Variants in NR6A1 observed in about 807,000 individuals in gnomAD.
NR6A1 encodes nuclear receptor subfamily 6 group A member 1, also known as retinoic acid receptor-related testis-associated receptor.
Under a neutral mutation model 59.1 loss-of-function variants are expected in NR6A1, and 7 were observed. The observed-to-expected ratio is 0.12, with a 90% CI of 0.07 to 0.22. The LOEUF is 0.22. Among genes scored for constraint, NR6A1 ranks in the 10% least tolerant of loss-of-function variants. The pLI is 1.00. For missense variants in NR6A1, 468 were observed against 611.6 expected (o/e 0.77, Z 2.48); for synonymous variants, 243 against 236.1 (o/e 1.03, Z -0.27).
At chr9:124,618,248 G>A (rs1835957839) in intron 2 of NR6A1, among the ~76,000 whole-genome samples, 1 of 152,176 alleles carries the variant, frequency 6.6e-6, no homozygotes, top group African/African-American at 2.4e-5. Flanking sequence ...TTGGGAGGCT[G>A]AGGTAGGCGG....
In NR6A1 at chr9:124,518,401, A is replaced by C. The variant is rs17225164; in HGVS notation, c.*4304T>G. 4,966 of 151,852 alleles carry C rather than the reference A, an allele frequency of 0.033. 181 individuals carry two copies. The highest frequency in any genetic ancestry group is 0.039 in the Non-Finnish European group (2,678 of 67,958). The allele number at this position is 151,852 out of a possible 1,614,324, so 9.4% of individuals were successfully genotyped here. On this transcript the variant is annotated 3_prime_UTR_variant, in exon 10 of 10. Coordinates refer to ENST00000487099, the MANE Select transcript of NR6A1 (RefSeq NM_033334.4). ...TCTCTGGAGTTCCCGCCTTGGAGGA[A>C]ACAGTTCAGGTATGGCTCCCAAGCC...
chr9:124,650,584 G>A (rs1325113049), intron 2 of NR6A1, among the ~76,000 whole-genome samples: 1 of 152,214 alleles, frequency 6.6e-6, no homozygotes, highest in Admixed American at 6.5e-5. Context: ...ATGGATAGAA[G>A]AGAGTATTTG....
At position 124,771,078 on chromosome 9, in the gene NR6A1, G is replaced by A; in HGVS notation, c.42C>T (p.Gly14=). The A allele has an allele frequency of 8.1e-7, 1 of 1,230,276 alleles. No individual in the cohort carries two copies. Among genetic ancestry groups the A allele is most frequent in the Non-Finnish European group, 1.0e-6 (1 of 986,878 alleles). The allele number at this position is 1,230,276 out of a possible 1,614,324, so 76.2% of individuals were successfully genotyped here. ...DEPPPSGGGG[G]GGSAGFLEPP... is the part of the protein sequence containing the mutation. Reference sequence around the variant, plus strand: ...GCTCCAGGAACCCCGCCGAGCCCCCGCCGCCTCCCCCTCCGCTAGGCGGCG... The same window carrying A: ...GCTCCAGGAACCCCGCCGAGCCCCCACCGCCTCCCCCTCCGCTAGGCGGCG... The change falls in exon 1 of 10, where the codon GGC becomes GGT. Residue 14 remains glycine, a synonymous_variant. Transcript: ENST00000487099.
rs1298744106 is a variant in NR6A1 at position 124,518,680 on chromosome 9, C to G, written c.*4025G>C. The G allele has an allele frequency of 6.6e-6, 1 of 151,368 alleles. No individual in the cohort carries two copies. The highest frequency in any genetic ancestry group is 6.6e-5 in the Admixed American group (1 of 15,208). 9.4% of individuals were successfully genotyped at this position (151,368 alleles called of 1,614,324 possible). ...AAAGGCAGAGGGGAGTGCAAGGGAA[C>G]TCTCATGGGCTGGGGTAGGGGGAGG... On this transcript the variant is annotated 3_prime_UTR_variant, in exon 10 of 10. Coordinates refer to ENST00000487099, the MANE Select transcript of NR6A1 (RefSeq NM_033334.4).
chr9:124,538,418 G>A, intron 5 of NR6A1, 99 bp from the exon 6 acceptor site: 1 of 842,164 alleles, frequency 1.2e-6, no homozygotes, highest in Non-Finnish European at 1.9e-6. Flanking sequence ...CTTTGAACAT[G>A]AGGTATGTGT....
chr9:124,668,445 G>A (rs1487846451), intron 2 of NR6A1, among the ~76,000 whole-genome samples: 4 of 151,968 alleles, frequency 2.6e-5, no homozygotes, highest in Non-Finnish European at 5.9e-5. Context: ...GTTGTTCAAG[G>A]GTCAACTGTA....
intron 7 of NR6A1, among the ~76,000 whole-genome samples, chr9:124,531,322 C>T (rs189408371): frequency 1.3e-4 from 20 of 152,302 alleles, no homozygotes; most frequent in Admixed American, 2.0e-4. Context: ...CAAATTCACC[C>T]GGTTCACTGT....
At chr9:124,586,983 G>C (rs1003783349) in intron 2 of NR6A1, among the ~76,000 whole-genome samples, 1 of 152,198 alleles carries the variant, frequency 6.6e-6, no homozygotes, top group Non-Finnish European at 1.5e-5. Context: ...ATGCTACAGA[G>C]AAATTTTTCA....
At chr9:124,580,446 A>G (rs1215154336) in intron 2 of NR6A1, among the ~76,000 whole-genome samples, 1 of 152,164 alleles carries the variant, frequency 6.6e-6, no homozygotes, top group Non-Finnish European at 1.5e-5. Context: ...GAGGTAAAGA[A>G]ATGGTTCTGG....
chr9:124,764,949 C>A (rs898331489), intron 1 of NR6A1, among the ~76,000 whole-genome samples: 1 of 152,166 alleles, frequency 6.6e-6, no homozygotes, highest in Non-Finnish European at 1.5e-5. Flanking sequence ...AGAACTGACA[C>A]CAACTTAAAG....
intron 2 of NR6A1, among the ~76,000 whole-genome samples, chr9:124,568,830 C>G (rs1480708589): frequency 2.0e-5 from 3 of 151,614 alleles, no homozygotes; most frequent in Non-Finnish European, 4.4e-5. Flanking sequence ...GACTGAGCCT[C>G]AGGCCGGGCA....
At chr9:124,580,976 T>C (rs1487720582) in intron 2 of NR6A1, among the ~76,000 whole-genome samples, 1 of 151,862 alleles carries the variant, frequency 6.6e-6, no homozygotes, top group Admixed American at 6.6e-5. Flanking sequence ...AACCCAGAAA[T>C]AAGACTGCAT....
intron 2 of NR6A1, 39 bp from the exon 3 acceptor site, chr9:124,554,609 C>T (rs1210201569): frequency 6.2e-7 from 1 of 1,612,924 alleles, no homozygotes; most frequent in Non-Finnish European, 8.5e-7. Flanking sequence ...GAAATAATGG[C>T]TTTAAGCCTA....
At chr9:124,610,061 C>T (rs1210409377) in intron 2 of NR6A1, among the ~76,000 whole-genome samples, 2 of 152,154 alleles carry the variant, frequency 1.3e-5, no homozygotes, top group African/African-American at 4.8e-5. Flanking sequence ...GACAATTTGA[C>T]TTCCTCTCTT....
intron 3 of NR6A1, among the ~76,000 whole-genome samples, chr9:124,551,876 C>T (rs768735239): frequency 4.3e-4 from 66 of 152,326 alleles, no homozygotes; most frequent in Non-Finnish European, 7.5e-4. Flanking sequence ...AATACTCCCA[C>T]GGCAACTGCA....
At chr9:124,732,566 C>CTA (rs1228469084) in intron 2 of NR6A1, among the ~76,000 whole-genome samples, 1 of 152,128 alleles carries the variant, frequency 6.6e-6, no homozygotes, top group Non-Finnish European at 1.5e-5. Context: ...TTAAACTGTA[C>CTA]TACAAAGGTT....
At chr9:124,756,291 A>G (rs1840628761) in intron 1 of NR6A1, among the ~76,000 whole-genome samples, 2 of 152,208 alleles carry the variant, frequency 1.3e-5, no homozygotes, top group African/African-American at 2.4e-5. Context: ...TAGTTGAGAG[A>G]AAGAGCAGCT....
chr9:124,756,074 C>T (rs932942192), intron 1 of NR6A1, among the ~76,000 whole-genome samples: 1 of 152,180 alleles, frequency 6.6e-6, no homozygotes, highest in Admixed American at 6.5e-5. Flanking sequence ...TCCCTTTGCA[C>T]TTTAGTAGTA....
At chr9:124,653,491 GCCTT>G (rs1837161255) in intron 2 of NR6A1, among the ~76,000 whole-genome samples, 1 of 152,112 alleles carries the variant, frequency 6.6e-6, no homozygotes, top group African/African-American at 2.4e-5. Context: ...GCTCACTGCA[GCCTT>G]GAACTCCTGC....
Sources: gnomAD v4.1 joint callset for allele counts (sites outside exome capture counted in the v4.1 genomes callset) on GRCh38, gnomAD v4.1.1 for gene constraint, MANE v1.5 for transcripts, NCBI Gene and HGNC (gene_info 2026-07-23, HGNC 2026-07-21) for gene names.